TMEM132C: variants seen among roughly 807,000 people sequenced by gnomAD.
TMEM132C encodes the protein transmembrane protein 132C.
Under a neutral mutation model 61.4 loss-of-function variants are expected in TMEM132C, and 29 were observed. The ratio of observed to expected loss-of-function variants is 0.47; its 90% CI spans 0.35 to 0.64. The LOEUF (loss-of-function observed/expected upper bound fraction) is 0.64. Ranked by LOEUF, TMEM132C falls within the 30% of genes least tolerant of loss-of-function variation. TMEM132C has a pLI of 0.00. For missense variants in TMEM132C, 1,408 were observed against 1,476.9 expected (o/e 0.95, Z 0.76); for synonymous variants, 656 against 633.1 (o/e 1.04, Z -0.54).
intron 1 of TMEM132C, among the ~76,000 whole-genome samples, chr12:128,402,580 C>A (rs1217679721): frequency 6.6e-6 from 1 of 152,216 alleles, no homozygotes; most frequent in Non-Finnish European, 1.5e-5. Context: ...AGAGGAGCAC[C>A]TGTCCTGGGA....
chr12:128,420,246 G>T (rs1171211750), intron 2 of TMEM132C, among the ~76,000 whole-genome samples: 1 of 152,150 alleles, frequency 6.6e-6, no homozygotes, highest in Non-Finnish European at 1.5e-5. Flanking sequence ...ATAGTAATAA[G>T]TGGCTTAGGA....
rs1376898545 is a variant in TMEM132C, at chr12:128,415,218, T to G, written c.572T>G (p.Leu191Arg). The change falls in exon 2 of 9, where the codon CTG (leucine) becomes CGG (arginine). Residue 191 changes from leucine (L) to arginine (R), a missense_variant. Coordinates refer to ENST00000435159, the MANE Select transcript of TMEM132C (RefSeq NM_001136103.3). This position sits in a 1 kb window ranked among gnomAD's most constrained non-coding sequence, Gnocchi z 5.8. ...GGCAGCTGCCGGCTGAAGGGGGACC[T>G]GGGGCTGTGTGTGGCTGAGCTGGAG... ...VRGSCRLKGD[L>R]GLCVAELELL... 6.2e-7 allele frequency: 1 copy of G among 1,609,704 alleles called. No individual in the cohort carries two copies.
chr12:128,437,039 C>A (rs1246109394), intron 2 of TMEM132C, among the ~76,000 whole-genome samples: 1 of 152,076 alleles, frequency 6.6e-6, no homozygotes, highest in Non-Finnish European at 1.5e-5. Flanking sequence ...AGCAAACTAT[C>A]ACAAGGACAG....
At chr12:128,592,045 C>CAA (rs1165038921) in intron 3 of TMEM132C, among the ~76,000 whole-genome samples, 39 of 50,796 alleles carry the variant, frequency 7.7e-4, no homozygotes, top group South Asian at 9.9e-4. Flanking sequence ...GAGTGAGACT[C>CAA]AAAAAAAAAA....
In TMEM132C at chr12:128,706,099, T is replaced by G; in HGVS notation, c.3131T>G (p.Leu1044Arg). The part of the protein sequence containing the change: ...RQGREQKQDP[L>R]HSPTSKRKKV... ...GGCAGAGAACAGAAGCAGGACCCCC[T>G]GCACTCGCCCACCTCCAAGAGGAAG... is the stretch of plus-strand genomic sequence containing the variant. The change falls in exon 9 of 9, where the codon CTG becomes CGG. Residue 1044 changes from leucine to arginine, a missense_variant. Transcript: ENST00000435159. The G allele has an allele frequency of 6.4e-7, 1 of 1,551,528 alleles. No individual in the cohort carries two copies. Among genetic ancestry groups the G allele is most frequent in the Non-Finnish European group, 8.7e-7 (1 of 1,146,860 alleles).
At chr12:128,322,233 G>A (rs1872359007) in intron 1 of TMEM132C, among the ~76,000 whole-genome samples, 1 of 152,220 alleles carries the variant, frequency 6.6e-6, no homozygotes, top group Admixed American at 6.5e-5. Flanking sequence ...CATGTAGAGA[G>A]GCTGCCTGTA....
chr12:128,287,493 A>G lies in TMEM132C; in HGVS notation c.85+20006A>G, dbSNP rs1166284499. ...TCTCCCCCTCTGTCTGCATATCTATATCTATATCTATATCTATATCTATAT... is the reference window on the plus strand; with the variant it reads ...TCTCCCCCTCTGTCTGCATATCTATGTCTATATCTATATCTATATCTATAT... On this transcript the variant is annotated intron_variant, in intron 1 of 8. Coordinates refer to ENST00000435159, the MANE Select transcript of TMEM132C (RefSeq NM_001136103.3). 7.0e-5 allele frequency among the ~76,000 whole-genome samples: 6 copies of G among 85,726 alleles called. No homozygotes were observed. The Admixed American group carries it at 9.3e-4, about 13-fold the overall frequency. The allele number at this position is 85,726 out of a possible 152,430, so 56.2% of individuals were successfully genotyped here.
intron 4 of TMEM132C, among the ~76,000 whole-genome samples, chr12:128,617,377 C>T (rs902959810): frequency 2.0e-5 from 3 of 152,252 alleles, no homozygotes; most frequent in African/African-American, 7.2e-5. Context: ...CTGCCAATCA[C>T]TCCAGCAAAT....
intron 1 of TMEM132C, among the ~76,000 whole-genome samples, chr12:128,328,742 G>C (rs530055180): frequency 7.2e-6 from 1 of 139,838 alleles, no homozygotes; most frequent in Non-Finnish European, 1.5e-5. Context: ...AGCTGAGATC[G>C]CACCACTGCA....
chr12:128,434,002 T>A (rs1869488135), intron 2 of TMEM132C, among the ~76,000 whole-genome samples: 1 of 152,230 alleles, frequency 6.6e-6, no homozygotes, highest in African/African-American at 2.4e-5. Flanking sequence ...TCTTTTAGGA[T>A]GTATGTTCCT....
At chr12:128,471,549 A>G (rs1025909849) in intron 2 of TMEM132C, among the ~76,000 whole-genome samples, 3 of 152,234 alleles carry the variant, frequency 2.0e-5, no homozygotes, top group Non-Finnish European at 4.4e-5. Context: ...TTAAGAAGTT[A>G]TCTTTGCTAA....
At chr12:128,640,441 A>G (rs1954148929) in intron 4 of TMEM132C, among the ~76,000 whole-genome samples, 1 of 152,214 alleles carries the variant, frequency 6.6e-6, no homozygotes, top group Non-Finnish European at 1.5e-5. Context: ...CCACAGAGAC[A>G]AAAAGGAGCT....
chr12:128,352,091 C>G (rs1411902505), intron 1 of TMEM132C, among the ~76,000 whole-genome samples: 1 of 152,076 alleles, frequency 6.6e-6, no homozygotes, highest in Non-Finnish European at 1.5e-5. Context: ...TTGCACAAGG[C>G]CTACCCATTT....
chr12:128,358,584 G>C (rs1010696277), intron 1 of TMEM132C, among the ~76,000 whole-genome samples: 5 of 150,654 alleles, frequency 3.3e-5, no homozygotes, highest in African/African-American at 1.2e-4. Flanking sequence ...ATAGTTTTAG[G>C]AGCTAAGTGT....
intron 1 of TMEM132C, among the ~76,000 whole-genome samples, chr12:128,308,381 G>T (rs930590974): frequency 1.3e-5 from 2 of 151,902 alleles, no homozygotes; most frequent in Non-Finnish European, 2.9e-5. Flanking sequence ...TAGGGATTCA[G>T]ATTCTAGAAA....
At chr12:128,655,532 C>T (rs982903417) in intron 4 of TMEM132C, among the ~76,000 whole-genome samples, 8 of 151,898 alleles carry the variant, frequency 5.3e-5, no homozygotes, top group Non-Finnish European at 1.2e-4. Context: ...CTGGGCGGCC[C>T]GTGCATCATT....
chr12:128,492,594 A>C (rs1204267181), intron 2 of TMEM132C, among the ~76,000 whole-genome samples: 3 of 152,136 alleles, frequency 2.0e-5, no homozygotes, highest in African/African-American at 7.2e-5. Context: ...CATTTCTCTG[A>C]TGGCCAGTGA....
At chr12:128,476,233 G>A (rs1447783117) in intron 2 of TMEM132C, among the ~76,000 whole-genome samples, 1 of 150,458 alleles carries the variant, frequency 6.6e-6, no homozygotes, top group Non-Finnish European at 1.5e-5. Flanking sequence ...AATGTCTGAT[G>A]CCTGTGTCCA....
intron 3 of TMEM132C, among the ~76,000 whole-genome samples, chr12:128,553,911 T>A (rs1874252539): frequency 6.6e-6 from 1 of 152,212 alleles, no homozygotes; most frequent in Non-Finnish European, 1.5e-5. Context: ...CCCCGCGTGG[T>A]GCCCCTTTTA....
Sources: allele counts gnomAD v4.1 joint callset (sites outside exome capture counted in the v4.1 genomes callset), GRCh38; gene constraint gnomAD v4.1.1; non-coding constraint Gnocchi (gnomAD v3.1); transcripts MANE v1.5; gene names NCBI Gene and HGNC (gene_info 2026-07-23, HGNC 2026-07-21).